The following POLR3B variants were observed in gnomAD, a reference collection of about 807,000 sequenced individuals.
POLR3B encodes the protein RNA polymerase III subunit B, also known as DNA-directed RNA polymerase III subunit RPC2.
POLR3B carries 96 observed loss-of-function variants against 147.4 expected under a neutral mutation model. The ratio of observed to expected loss-of-function variants is 0.65; its 90% CI spans 0.55 to 0.77. The LOEUF is 0.77. Ranked by LOEUF, POLR3B falls within the 30% of genes least tolerant of loss-of-function variation. The pLI is 0.00. For missense variants in POLR3B, 1,036 were observed against 1,413.5 expected (o/e 0.73, Z 4.28); for synonymous variants, 461 against 485.9 (o/e 0.95, Z 0.67).
At chr12:106,430,014 T>A (rs990761073) in intron 13 of POLR3B, among the ~76,000 whole-genome samples, 2 of 152,342 alleles carry the variant, frequency 1.3e-5, no homozygotes, top group South Asian at 4.2e-4. Context: ...GTGAGTGCTC[T>A]GATGTGGTAA....
intron 18 of POLR3B, among the ~76,000 whole-genome samples, chr12:106,443,280 T>C (rs2037676717): frequency 6.6e-6 from 1 of 152,236 alleles, no homozygotes; most frequent in East Asian, 1.9e-4. Flanking sequence ...CTAGATCTCA[T>C]TTCATAACAT....
At chr12:106,397,314 A>G (rs528807058) in intron 10 of POLR3B, among the ~76,000 whole-genome samples, 4 of 152,234 alleles carry the variant, frequency 2.6e-5, no homozygotes, top group African/African-American at 9.6e-5. Flanking sequence ...AAGTAAATTT[A>G]TGTACACTAA....
At chr12:106,446,153 A>T in intron 19 of POLR3B, 1 of 445,648 alleles carries the variant, frequency 2.2e-6, no homozygotes. Context: ...CCTGTGTGTC[A>T]TGAAAGGGCT....
intron 10 of POLR3B, among the ~76,000 whole-genome samples, chr12:106,393,767 T>TACACACACACACAC (rs34402190): frequency 1.6e-5 from 2 of 127,910 alleles, no homozygotes; most frequent in African/African-American, 5.7e-5. Context: ...GACTGAGAAA[T>TACACACACACACAC]ACACACACAC....
intron 27 of POLR3B, among the ~76,000 whole-genome samples, chr12:106,508,249 A>G (rs2038720470): frequency 1.3e-5 from 2 of 152,206 alleles, no homozygotes; most frequent in South Asian, 4.1e-4. Context: ...TGTGGCTGTC[A>G]GCATTCTTGT....
At position 106,400,455 on chromosome 12, in the gene POLR3B, C is replaced by T. The variant is rs146746699; in HGVS notation, c.847-5402C>T. ...CTGAAAGTTAACCAGGAATTGAACT[C>T]GACTCTGCACCAAGTGGACCTAATA... On this transcript the variant is annotated intron_variant, in intron 10 of 27. Coordinates refer to ENST00000228347, the MANE Select transcript of POLR3B (RefSeq NM_018082.6). Among the ~76,000 whole-genome samples, 881 of 152,242 alleles carry T rather than the reference C, an allele frequency of 5.8e-3. 3 individuals are homozygous for T. Among genetic ancestry groups the T allele is most frequent in the Non-Finnish European group, 9.6e-3 (651 of 67,996 alleles).
chr12:106,501,691 G>T (rs949839233), intron 26 of POLR3B, among the ~76,000 whole-genome samples: 5 of 152,178 alleles, frequency 3.3e-5, no homozygotes, highest in African/African-American at 1.2e-4. Flanking sequence ...ACTATTTACT[G>T]TGTAAATGTC....
intron 10 of POLR3B, among the ~76,000 whole-genome samples, chr12:106,401,453 C>A (rs1164874726): frequency 1.3e-5 from 2 of 152,250 alleles, no homozygotes; most frequent in Non-Finnish European, 2.9e-5. Flanking sequence ...TCCTCCCTAA[C>A]TCATTTTATG....
At chr12:106,459,503 A>G (rs2037908406) in intron 22 of POLR3B, 135 bp downstream of exon 22, 4 of 701,826 alleles carry the variant, frequency 5.7e-6, no homozygotes, top group African/African-American at 1.8e-5. Context: ...TGTCATGGAA[A>G]AAGCATGGCA....
chr12:106,434,020 A>G, intron 16 of POLR3B, 148 bp downstream of exon 16: 1 of 684,522 alleles, frequency 1.5e-6, no homozygotes, highest in African/African-American at 1.8e-5. Context: ...CTTCATGAAT[A>G]TGCATATTAG....
At chr12:106,443,476 T>C (rs1408745676) in intron 18 of POLR3B, among the ~76,000 whole-genome samples, 2 of 152,152 alleles carry the variant, frequency 1.3e-5, no homozygotes, top group Admixed American at 1.3e-4. Flanking sequence ...AGTTATCTAG[T>C]GTCTAGTGGC....
intron 14 of POLR3B, among the ~76,000 whole-genome samples, chr12:106,431,873 G>A (rs1245173391): frequency 6.6e-6 from 1 of 152,120 alleles, no homozygotes; most frequent in Admixed American, 6.5e-5. Flanking sequence ...TAAGGGCACT[G>A]GCCAGTTATT....
chr12:106,384,960 C>T (rs531033374), intron 9 of POLR3B, among the ~76,000 whole-genome samples: 3 of 151,782 alleles, frequency 2.0e-5, no homozygotes, highest in East Asian at 1.9e-4. Flanking sequence ...CAAGTAGCTG[C>T]GATTTCAGGC....
At chr12:106,384,120 A>G (rs1290335433) in intron 9 of POLR3B, among the ~76,000 whole-genome samples, 2 of 152,236 alleles carry the variant, frequency 1.3e-5, no homozygotes, top group African/African-American at 4.8e-5. Context: ...AAATGACACC[A>G]ATAGATTTGC....
In POLR3B at chr12:106,390,143, G is replaced by A. The variant is rs199567927; in HGVS notation, c.724-2888G>A. 1.6e-4 allele frequency among the ~76,000 whole-genome samples: 24 copies of A among 151,718 alleles called. No homozygotes were observed. In the East Asian group the frequency reaches 2.9e-3, roughly 18 times the overall value. On this transcript the variant is annotated intron_variant, in intron 9 of 27. Coordinates refer to ENST00000228347, the MANE Select transcript of POLR3B (RefSeq NM_018082.6). ...CGAGGCAAGAGAATCACTTGAATCC[G>A]GGAGGCAGAGGTTGCACTGAGTTGA...
At chr12:106,414,885 CT>C (rs1214005885) in intron 12 of POLR3B, among the ~76,000 whole-genome samples, 4 of 152,144 alleles carry the variant, frequency 2.6e-5, no homozygotes, top group African/African-American at 9.7e-5. Context: ...ATTACATGTT[CT>C]AAAATAGTTT....
chr12:106,501,041 G>A (rs1465758748), intron 25 of POLR3B, among the ~76,000 whole-genome samples: 5 of 152,194 alleles, frequency 3.3e-5, no homozygotes, highest in African/African-American at 1.2e-4. Context: ...AGAAAGGATG[G>A]TGGCCTGACC....
chr12:106,409,670 CT>C (rs201560343), intron 11 of POLR3B, among the ~76,000 whole-genome samples: 2,536 of 133,730 alleles, frequency 0.019, 40 homozygotes, highest in South Asian at 0.076. Context: ...AGAATGCTTG[CT>C]TGTTTTTTTT....
chr12:106,387,908 T>C (rs1289630698), intron 9 of POLR3B, among the ~76,000 whole-genome samples: 1 of 152,182 alleles, frequency 6.6e-6, no homozygotes, highest in Non-Finnish European at 1.5e-5. Context: ...TCCTTAGTTG[T>C]CTTTATGGTC....
Sources: gnomAD v4.1 joint callset for allele counts (sites outside exome capture counted in the v4.1 genomes callset) on GRCh38, gnomAD v4.1.1 for gene constraint, MANE v1.5 for transcripts, NCBI Gene and HGNC (gene_info 2026-07-23, HGNC 2026-07-21) for gene names.